Variants in NPHS2 observed in about 807,000 individuals in gnomAD.
NPHS2 encodes NPHS2 stomatin family member, podocin, also known as podocin.
A neutral mutation model predicts 37.1 loss-of-function variants in NPHS2; 36 were observed. The observed-to-expected ratio is 0.97, with a 90% CI of 0.74 to 1.28. The LOEUF (loss-of-function observed/expected upper bound fraction) is 1.28. Ranked by LOEUF, NPHS2 falls within the 50% of genes most tolerant of loss-of-function variation. The pLI is 0.00. For missense variants in NPHS2, 447 were observed against 488.1 expected (o/e 0.92, Z 0.79); for synonymous variants, 196 against 189.3 (o/e 1.04, Z -0.29).
intron 3 of NPHS2, 64 bp from the exon 4 acceptor site, chr1:179,559,825 T>C (rs1572280755): frequency 9.1e-7 from 1 of 1,098,952 alleles, no homozygotes; most frequent in Non-Finnish European, 1.4e-6. Context: ...GGGTTTCACC[T>C]TTCTGGGGTC....
At chr1:179,571,197 G>A (rs1000791387) in intron 1 of NPHS2, among the ~76,000 whole-genome samples, 1 of 152,152 alleles carries the variant, frequency 6.6e-6, no homozygotes, top group African/African-American at 2.4e-5. Flanking sequence ...CCATCTTTGT[G>A]GTTTTATCTA....
chr1:179,567,723 A>G (rs1674389385), intron 1 of NPHS2, among the ~76,000 whole-genome samples: 1 of 152,116 alleles, frequency 6.6e-6, no homozygotes, highest in Non-Finnish European at 1.5e-5. Flanking sequence ...AGCTCTTATT[A>G]TTTTGAGATA....
chr1:179,562,024 C>G (rs942538943), intron 2 of NPHS2, among the ~76,000 whole-genome samples: 1 of 152,176 alleles, frequency 6.6e-6, no homozygotes, highest in Admixed American at 6.5e-5. Context: ...TCAGGCTGGT[C>G]TCGAACTCCT....
chr1:179,560,372 G>C (rs1414845904), intron 3 of NPHS2, among the ~76,000 whole-genome samples: 1 of 152,074 alleles, frequency 6.6e-6, no homozygotes, highest in Non-Finnish European at 1.5e-5. Flanking sequence ...GATTCTGTGG[G>C]CTCCTGCAAA....
At chr1:179,570,393 G>A (rs1416844797) in intron 1 of NPHS2, among the ~76,000 whole-genome samples, 1 of 152,152 alleles carries the variant, frequency 6.6e-6, no homozygotes, top group Admixed American at 6.5e-5. Flanking sequence ...TTAACTAAAA[G>A]TATCCCTTAT....
At chr1:179,563,120 A>T (rs1674208539) in intron 2 of NPHS2, among the ~76,000 whole-genome samples, 1 of 152,240 alleles carries the variant, frequency 6.6e-6, no homozygotes, top group Non-Finnish European at 1.5e-5. Context: ...TGAAAGTAAA[A>T]GATGGAAAAG....
At chr1:179,561,033 C>A (rs1162210353) in intron 3 of NPHS2, among the ~76,000 whole-genome samples, 2 of 152,338 alleles carry the variant, frequency 1.3e-5, no homozygotes, top group Middle Eastern at 3.4e-3. Context: ...TGGTCCTAAG[C>A]TAACTTGCTA....
chr1:179,568,882 G>A (rs12403065), intron 1 of NPHS2, among the ~76,000 whole-genome samples: 30,722 of 151,986 alleles, frequency 0.2, 3,753 homozygotes, highest in Non-Finnish European at 0.27. Context: ...TCTTAATCCT[G>A]AGTTCTAATT....
At chr1:179,561,408 T>A (rs1016096189) in intron 2 of NPHS2, 47 bp from the exon 3 acceptor site, 2 of 1,421,608 alleles carry the variant, frequency 1.4e-6, no homozygotes, top group Non-Finnish European at 2.0e-6. Flanking sequence ...AAAGAAAAAG[T>A]CTTCAAAAGG....
At chr1:179,570,432 G>C (rs1307803326) in intron 1 of NPHS2, among the ~76,000 whole-genome samples, 1 of 152,214 alleles carries the variant, frequency 6.6e-6, no homozygotes, top group Admixed American at 6.5e-5. Context: ...CGAATGAAAG[G>C]AATAGGTTGG....
chr1:179,561,140 A>G, intron 3 of NPHS2, 149 bp downstream of exon 3: 1 of 755,152 alleles, frequency 1.3e-6, no homozygotes, highest in Non-Finnish European at 2.4e-6. Context: ...AGAATATTTG[A>G]ATAACCTATA....
At chr1:179,568,053 T>C (rs182071052) in intron 1 of NPHS2, among the ~76,000 whole-genome samples, 53 of 152,320 alleles carry the variant, frequency 3.5e-4, no homozygotes, top group South Asian at 2.5e-3. Flanking sequence ...GGTATCAGGA[T>C]TATGTTGTCC....
intron 1 of NPHS2, among the ~76,000 whole-genome samples, chr1:179,573,241 C>G (rs1424087469): frequency 6.6e-6 from 1 of 152,170 alleles, no homozygotes; most frequent in Non-Finnish European, 1.5e-5. Flanking sequence ...GTGCAGATCA[C>G]TTGAAGAAGA....
chr1:179,551,103 G>T lies in NPHS2; in HGVS notation c.*70C>A. On this transcript the variant is annotated 3_prime_UTR_variant, in exon 8 of 8. Transcript: ENST00000367615. ...AAAGGAAGGGCAGGGAATGAGGACA[G>T]AGTGTCTCCCTCAGGCATGTGACTT... The T allele has an allele frequency of 6.3e-7, 1 of 1,592,762 alleles. No individual in the cohort carries two copies. Among genetic ancestry groups the T allele is most frequent in the Non-Finnish European group, 8.6e-7 (1 of 1,162,706 alleles).
intron 1 of NPHS2, among the ~76,000 whole-genome samples, chr1:179,570,212 T>G (rs116370433): frequency 6.6e-6 from 1 of 152,096 alleles, no homozygotes; most frequent in Non-Finnish European, 1.5e-5. Context: ...CAGGGAGACC[T>G]TTACCCAGTG....
chr1:179,559,876 G>T, intron 3 of NPHS2, 115 bp from the exon 4 acceptor site: 3 of 664,134 alleles, frequency 4.5e-6, no homozygotes, highest in East Asian at 6.1e-5. Context: ...TCTAATTACA[G>T]ACCATTGGCC....
intron 1 of NPHS2, 140 bp downstream of exon 1, chr1:179,575,451 C>A: frequency 1.7e-6 from 2 of 1,162,898 alleles, no homozygotes; most frequent in Admixed American, 3.9e-5. Flanking sequence ...CTAACTTACG[C>A]CCTTCCGTTC....
Position 179,556,097 on chromosome 1 carries a change from A to T in NPHS2, c.738+930T>A, listed in dbSNP as rs1295920247. Among the ~76,000 whole-genome samples, 2 of 152,356 alleles carry T rather than the reference A, an allele frequency of 1.3e-5. No individual in the cohort carries two copies. The highest frequency in any genetic ancestry group is 2.9e-5 in the Non-Finnish European group (2 of 68,034). ...ATATTATAATCAGTGTAACAAGGGC[A>T]AGCTTGAATGTCAAGTGTCTGGACT... On this transcript the variant is annotated intron_variant, in intron 5 of 7. Coordinates refer to ENST00000367615, the MANE Select transcript of NPHS2 (RefSeq NM_014625.4). The surrounding 1 kb of genome is among the most constrained non-coding windows in gnomAD (Gnocchi z 4.1).
At chr1:179,551,784 A>G (rs1464601916) in intron 7 of NPHS2, 2 of 318,436 alleles carry the variant, frequency 6.3e-6, no homozygotes, top group Admixed American at 9.1e-5. Context: ...GCATGACGTT[A>G]TGAAAGGGTG....
Sources: allele counts gnomAD v4.1 joint callset (sites outside exome capture counted in the v4.1 genomes callset), GRCh38; gene constraint gnomAD v4.1.1; non-coding constraint Gnocchi (gnomAD v3.1); transcripts MANE v1.5; gene names NCBI Gene and HGNC (gene_info 2026-07-23, HGNC 2026-07-21).